The following RBFOX3 variants were observed in gnomAD, a reference collection of about 807,000 sequenced individuals.
RBFOX3 encodes the protein RNA binding fox-1 homolog 3.
RBFOX3 carries 17 observed loss-of-function variants against 48.7 expected under a neutral mutation model. The observed-to-expected ratio is 0.35, with a 90% confidence interval of 0.24 to 0.52. The LOEUF (loss-of-function observed/expected upper bound fraction) is 0.52. Among genes scored for constraint, RBFOX3 ranks in the 20% least tolerant of loss-of-function variants. The pLI is 0.94. For missense variants in RBFOX3, 382 were observed against 497.5 expected (o/e 0.77, Z 2.21); for synonymous variants, 212 against 209.5 (o/e 1.01, Z -0.10).
chr17:79,281,519 G>A (rs999457103), intron 3 of RBFOX3, among the ~76,000 whole-genome samples: 3 of 152,090 alleles, frequency 2.0e-5, no homozygotes, highest in African/African-American at 7.2e-5. Context: ...GATGTATGGG[G>A]TTAGCTTAGA....
At chr17:79,213,791 T>C (rs368595893) in intron 4 of RBFOX3, among the ~76,000 whole-genome samples, 161 of 152,338 alleles carry the variant, frequency 1.1e-3, no homozygotes, top group African/African-American at 3.7e-3. Context: ...TTTGGGAACA[T>C]TTGTACCCCA....
chr17:79,142,030 G>T (rs537032112), intron 4 of RBFOX3, among the ~76,000 whole-genome samples: 1 of 152,230 alleles, frequency 6.6e-6, no homozygotes, highest in South Asian at 2.1e-4. Context: ...CTCTGAGTTT[G>T]TGGGAAGGGA....
chr17:79,621,091 C>A, the RBFOX3 span, among the ~76,000 whole-genome samples: 878 of 151,794 alleles, frequency 5.8e-3, 8 homozygotes, highest in African/African-American at 0.02. Context: ...CTCCACCTCC[C>A]AGGTTCAAGT....
the RBFOX3 span, among the ~76,000 whole-genome samples, chr17:79,660,820 A>G: frequency 3.3e-5 from 5 of 152,256 alleles, no homozygotes; most frequent in South Asian, 2.1e-4. Flanking sequence ...TTATAAAGAT[A>G]CATGCACGTG....
At chr17:79,261,888 C>T (rs1214379929) in intron 3 of RBFOX3, among the ~76,000 whole-genome samples, 2 of 152,306 alleles carry the variant, frequency 1.3e-5, no homozygotes, top group African/African-American at 2.4e-5. Context: ...CAGGTGCTCA[C>T]GGCCGGCCCC....
rs1412606242 is a variant in RBFOX3, at chr17:79,473,136, A to G, written c.-175+9318T>C. 6.6e-6 allele frequency among the ~76,000 whole-genome samples: 1 copy of G among 152,282 alleles called. No individual in the cohort carries two copies. The highest frequency in any genetic ancestry group is 6.5e-5 in the Admixed American group (1 of 15,292). The stretch of plus-strand genomic sequence containing the variant: ...AACGATTAGACTCATCAGACCTAAA[A>G]CGACTCCTTCAAATGACTAAAAGAT... On this transcript the variant is annotated intron_variant, in intron 2 of 14. Transcript: ENST00000693108. This position sits in a 1 kb window ranked among gnomAD's most constrained non-coding sequence, Gnocchi z 4.2.
chr17:79,176,698 G>C (rs982891295), intron 4 of RBFOX3, among the ~76,000 whole-genome samples: 1 of 152,150 alleles, frequency 6.6e-6, no homozygotes, highest in Non-Finnish European at 1.5e-5. Context: ...GGATGAGGAG[G>C]GGCTGGAATC....
chr17:79,563,366 G>A (rs993624783), intron 1 of RBFOX3, among the ~76,000 whole-genome samples: 3 of 152,216 alleles, frequency 2.0e-5, no homozygotes, highest in Non-Finnish European at 2.9e-5. Context: ...GAAACGCCTC[G>A]CTTCCGTCTG....
rs116003092 is a variant in RBFOX3, at chr17:79,196,999, G to A, written c.-34+38767C>T. On this transcript the variant is annotated intron_variant, in intron 4 of 14. Coordinates refer to ENST00000693108, the MANE Select transcript of RBFOX3 (RefSeq NM_001350451.2). Reference sequence around the variant, plus strand: ...CCTCCAGCACCCCGGGTGGACTGACGCCTGCTAACAGGGAAGTAGTAGGCA... The same window carrying A: ...CCTCCAGCACCCCGGGTGGACTGACACCTGCTAACAGGGAAGTAGTAGGCA... 2.7e-3 allele frequency among the ~76,000 whole-genome samples: 415 copies of A among 152,308 alleles called. 5 individuals are homozygous for A. Among genetic ancestry groups the A allele is most frequent in the African/African-American group, 9.7e-3 (403 of 41,574 alleles).
chr17:79,468,885 G>T (rs1882295803), intron 2 of RBFOX3, among the ~76,000 whole-genome samples: 2 of 148,248 alleles, frequency 1.3e-5, no homozygotes, highest in Non-Finnish European at 3.0e-5. Flanking sequence ...ACAGGAGGAT[G>T]GATAGATAGA....
At chr17:79,510,794 C>G (rs1223021002) in intron 1 of RBFOX3, among the ~76,000 whole-genome samples, 1 of 152,142 alleles carries the variant, frequency 6.6e-6, no homozygotes, top group Non-Finnish European at 1.5e-5. Context: ...CCTTGCTGGC[C>G]AGGCACAGTG....
intron 2 of RBFOX3, among the ~76,000 whole-genome samples, chr17:79,332,921 G>A: frequency 1.7e-5 from 1 of 59,868 alleles, no homozygotes; most frequent in South Asian, 9.4e-4. Context: ...GACAGAGGCA[G>A]AAAGACAGAT....
chr17:79,118,052 A>T (rs969923954), intron 4 of RBFOX3, among the ~76,000 whole-genome samples: 1 of 151,802 alleles, frequency 6.6e-6, no homozygotes, highest in South Asian at 2.1e-4. Flanking sequence ...GCATAGCTGG[A>T]AGGGTGGAGC....
intron 1 of RBFOX3, among the ~76,000 whole-genome samples, chr17:79,519,630 C>T (rs1311030395): frequency 2.6e-5 from 4 of 152,230 alleles, no homozygotes; most frequent in African/African-American, 9.6e-5. Context: ...GACCCTGGCT[C>T]CTGGGAGGTC....
Position 79,572,491 on chromosome 17 carries a change from C to T in RBFOX3, c.-320+38335G>A, listed in dbSNP as rs1032172298. ...TCTTGCCCCTTCTCCCAGACCCCTC[C>T]CACCCCAGCTCTGCCCACCAGGCCT... is the stretch of plus-strand genomic sequence containing the variant. On this transcript the variant is annotated intron_variant, in intron 1 of 14. Coordinates refer to ENST00000693108, the MANE Select transcript of RBFOX3 (RefSeq NM_001350451.2). 2.6e-5 allele frequency among the ~76,000 whole-genome samples: 4 copies of T among 152,078 alleles called. No homozygotes were observed. The South Asian group carries it at 8.3e-4, about 31-fold the overall frequency.
chr17:79,403,004 T>A (rs995687185), intron 2 of RBFOX3, among the ~76,000 whole-genome samples: 101 of 152,100 alleles, frequency 6.6e-4, no homozygotes, highest in African/African-American at 2.1e-3. Flanking sequence ...CTTCATCTGC[T>A]CTGCTGTGGG....
intron 1 of RBFOX3, among the ~76,000 whole-genome samples, chr17:79,501,026 G>A (rs2082310532): frequency 6.6e-6 from 1 of 152,216 alleles, no homozygotes; most frequent in Non-Finnish European, 1.5e-5. Flanking sequence ...TCCGTGAAGG[G>A]TGCGGAGCTC....
At chr17:79,654,490 C>T in the RBFOX3 span, among the ~76,000 whole-genome samples, 1 of 152,324 alleles carries the variant, frequency 6.6e-6, no homozygotes, top group South Asian at 2.1e-4. Flanking sequence ...GTTCCTGATC[C>T]TTTTCTGAAG....
chr17:79,258,316 A>G (rs1272767677), intron 3 of RBFOX3, among the ~76,000 whole-genome samples: 1 of 152,200 alleles, frequency 6.6e-6, no homozygotes, highest in Non-Finnish European at 1.5e-5. Flanking sequence ...CAGAGAAAGG[A>G]TCTGAAACGG....
Sources: gnomAD v4.1 joint callset for allele counts (sites outside exome capture counted in the v4.1 genomes callset) on GRCh38, gnomAD v4.1.1 for gene constraint, Gnocchi (gnomAD v3.1) non-coding constraint, MANE v1.5 for transcripts, NCBI Gene and HGNC (gene_info 2026-07-23, HGNC 2026-07-21) for gene names.